DENND4C: variants seen among roughly 807,000 people sequenced by gnomAD.
DENND4C encodes DENN domain containing 4C, also known as DENN domain-containing protein 4C.
A neutral mutation model predicts 203.0 loss-of-function variants in DENND4C; 108 were observed. The observed-to-expected ratio is 0.53, with a 90% CI of 0.46 to 0.62. The LOEUF is 0.62. Ranked by LOEUF, DENND4C falls within the 20% of genes least tolerant of loss-of-function variation. The pLI, the probability that DENND4C is intolerant of heterozygous loss-of-function variation, is 0.00. For missense variants in DENND4C, 2,481 were observed against 2,301.2 expected (o/e 1.08, Z -1.60); for synonymous variants, 871 against 792.4 (o/e 1.10, Z -1.67).
chr9:19,316,625 C>G lies in DENND4C; in HGVS notation c.1593C>G (p.His531Gln), dbSNP rs1350148993. The G allele has an allele frequency of 6.2e-7, 1 of 1,612,652 alleles. No individual in the cohort carries two copies. The highest frequency in any genetic ancestry group is 1.3e-5 in the African/African-American group (1 of 74,844). ...TGTTTTTATTTCCTTTGTTAGTTCA[C>G]CAAAAAACTCAAGAAGGCTCAGCGA... ...KKLYPQLSSV[H>Q]QKTQEGSAID... is the part of the protein sequence containing the mutation. Residue 531 changes from histidine (H) to glutamine (Q), a missense_variant, in exon 12 of 33, where the codon CAC becomes CAG. Around this residue, in one of 3 missense-constraint regions of DENND4C, gnomAD observed 2,289 missense variants for 2,113.3 expected, o/e 1.08. Coordinates refer to ENST00000434457, the MANE Select transcript of DENND4C (RefSeq NM_001330640.2).
rs1166702170 is a variant in DENND4C, at chr9:19,361,886, A to G, written c.5447A>G (p.Tyr1816Cys). The G allele has an allele frequency of 1.2e-6, 2 of 1,612,670 alleles. No individual in the cohort carries two copies. ...SSLSQDSKLV[Y>C]IQLLWDNINL... ...CTGTCCCAGGATAGCAAACTTGTGT[A>G]TATTCAGCTGTTATGGGATAATATC... The change falls in exon 30 of 33, where the codon TAT becomes TGT. Residue 1816 changes from tyrosine (Y) to cysteine (C), a missense_variant. Physicochemically the swap from Tyr to Cys is radical, Grantham distance 194 (BLOSUM62 -2). Transcript: ENST00000434457.
chr9:19,344,204 A>C (rs1822294185), intron 22 of DENND4C, among the ~76,000 whole-genome samples: 1 of 152,260 alleles, frequency 6.6e-6, no homozygotes, highest in African/African-American at 2.4e-5. Context: ...TTAACAAAAC[A>C]AATGATGTGA....
At chr9:19,301,734 C>G (rs748281323) in intron 9 of DENND4C, among the ~76,000 whole-genome samples, 2 of 152,122 alleles carry the variant, frequency 1.3e-5, no homozygotes, top group Non-Finnish European at 2.9e-5. Flanking sequence ...GTCAAGAGAT[C>G]GAGACCATCC....
At chr9:19,259,829 T>C (rs1487090120) in intron 1 of DENND4C, among the ~76,000 whole-genome samples, 1 of 152,154 alleles carries the variant, frequency 6.6e-6, no homozygotes, top group East Asian at 1.9e-4. Flanking sequence ...TCTTTATCCA[T>C]TTGTCTGTTG....
chr9:19,246,546 T>C (rs1300992163), intron 1 of DENND4C, among the ~76,000 whole-genome samples: 5 of 152,000 alleles, frequency 3.3e-5, no homozygotes, highest in African/African-American at 1.2e-4. Context: ...ACTGGGCATG[T>C]TTGTTTGTTT....
At chr9:19,243,531 C>G (rs769279172) in intron 1 of DENND4C, among the ~76,000 whole-genome samples, 2 of 152,172 alleles carry the variant, frequency 1.3e-5, no homozygotes, top group African/African-American at 4.8e-5. Flanking sequence ...TCCCAGTCTC[C>G]TAGTCCCTGC....
At chr9:19,341,311 CTTTTTTTTTTTTT>C (rs5896841) in intron 21 of DENND4C, among the ~76,000 whole-genome samples, 197 bp downstream of exon 21, 5 of 120,180 alleles carry the variant, frequency 4.2e-5, no homozygotes, top group Non-Finnish European at 6.9e-5. Flanking sequence ...TTCTTTCTTT[CTTTTTTTTTTTTT>C]TTTTTTGAGG....
At chr9:19,262,275 T>TG in intron 1 of DENND4C, among the ~76,000 whole-genome samples, 1 of 151,590 alleles carries the variant, frequency 6.6e-6, no homozygotes, top group East Asian at 1.9e-4. Flanking sequence ...TTAGTAGAGA[T>TG]GGGGGTTTCA....
intron 6 of DENND4C, among the ~76,000 whole-genome samples, chr9:19,297,136 A>G (rs1837631744): frequency 6.6e-6 from 1 of 152,220 alleles, no homozygotes; most frequent in Non-Finnish European, 1.5e-5. Context: ...AACAAACTAA[A>G]AAGTGTCAAG....
At chr9:19,235,820 G>A (rs1053293940) in intron 1 of DENND4C, among the ~76,000 whole-genome samples, 1 of 151,652 alleles carries the variant, frequency 6.6e-6, no homozygotes, top group East Asian at 1.9e-4. Flanking sequence ...CCGTGGTCTC[G>A]ATCTTTTGAC....
At chr9:19,359,952 T>G (rs1307850238) in intron 28 of DENND4C, among the ~76,000 whole-genome samples, 4 of 152,146 alleles carry the variant, frequency 2.6e-5, no homozygotes, top group African/African-American at 4.8e-5. Flanking sequence ...ATGCAAATAT[T>G]TCTTATAAAA....
At chr9:19,370,165 A>C in intron 31 of DENND4C, 178 bp downstream of exon 31, 1 of 770,582 alleles carries the variant, frequency 1.3e-6, no homozygotes, top group Non-Finnish European at 2.0e-6. Flanking sequence ...CACATAATAA[A>C]AGTGTCTGGG....
chr9:19,260,080 A>C (rs1314061368), intron 1 of DENND4C, among the ~76,000 whole-genome samples: 3 of 152,154 alleles, frequency 2.0e-5, no homozygotes, highest in Admixed American at 2.0e-4. Context: ...GTTCCCACTA[A>C]CAGTGTATGA....
intron 2 of DENND4C, among the ~76,000 whole-genome samples, chr9:19,281,077 C>G (rs536344598): frequency 6.6e-6 from 1 of 152,170 alleles, no homozygotes; most frequent in South Asian, 2.1e-4. Context: ...ACAAGCCCAC[C>G]TGCCACCCCT....
At chr9:19,240,226 T>A (rs909643692) in intron 1 of DENND4C, among the ~76,000 whole-genome samples, 1 of 152,212 alleles carries the variant, frequency 6.6e-6, no homozygotes, top group African/African-American at 2.4e-5. Flanking sequence ...TGTAGCATGC[T>A]ACTCTTGTAG....
chr9:19,365,542 TAGTCAA>T, intron 30 of DENND4C, among the ~76,000 whole-genome samples: 1 of 152,142 alleles, frequency 6.6e-6, no homozygotes. Context: ...CTAGAGTAAT[TAGTCAA>T]GAAAAGAAAA....
rs967971604 is a variant in DENND4C at position 19,316,890 on chromosome 9, A to G, written c.1807+51A>G. On this transcript the variant is annotated intron_variant, in intron 12 of 32. Transcript: ENST00000434457. ...CTTTTATTGAGGTGAAAAATATTTTATATTTGATGTTGCTGCCAAGAAATA... is the reference window on the plus strand; with the variant it reads ...CTTTTATTGAGGTGAAAAATATTTTGTATTTGATGTTGCTGCCAAGAAATA... 9 of 1,458,946 alleles carry G rather than the reference A, an allele frequency of 6.2e-6. No homozygotes were observed. The African/African-American group carries it at 9.9e-5, about 16-fold the overall frequency. The allele number at this position is 1,458,946 out of a possible 1,614,324, so 90.4% of individuals were successfully genotyped here. A position where few individuals can be genotyped will look rare whatever the true frequency, so the allele number is the denominator to read the frequency against.
chr9:19,373,942 A>C lies in DENND4C; in HGVS notation c.*1769A>C, dbSNP rs186165493. Among the ~76,000 whole-genome samples the C allele has an allele frequency of 6.6e-6, 1 of 152,210 alleles. No individual in the cohort carries two copies. Among genetic ancestry groups the C allele is most frequent in the African/African-American group, 2.4e-5 (1 of 41,462 alleles). On this transcript the variant is annotated 3_prime_UTR_variant, in exon 33 of 33. Coordinates refer to ENST00000434457, the MANE Select transcript of DENND4C (RefSeq NM_001330640.2). The stretch of plus-strand genomic sequence containing the variant: ...ATTTATTGTGAAAATGCTAAATGAA[A>C]CAATTTGTCAGAAATTATGTACAAT...
intron 17 of DENND4C, 22 bp downstream of exon 17, chr9:19,332,206 T>G (rs1819376360): frequency 1.2e-6 from 2 of 1,605,672 alleles, no homozygotes; most frequent in South Asian, 2.2e-5. Context: ...AAATTGACAT[T>G]GTTTCTAAGG....
Sources: gnomAD v4.1 joint callset for allele counts (sites outside exome capture counted in the v4.1 genomes callset) on GRCh38, gnomAD v4.1.1 for gene constraint, gnomAD v4.1.1 regional missense constraint, MANE v1.5 for transcripts, NCBI Gene and HGNC (gene_info 2026-07-23, HGNC 2026-07-21) for gene names.